Variants in TEX10 observed in about 807,000 individuals in gnomAD.
TEX10 encodes testis-expressed protein 10.
TEX10 carries 24 observed loss-of-function variants against 104.4 expected under a neutral mutation model. The ratio of observed to expected loss-of-function variants is 0.23; its 90% CI spans 0.17 to 0.32. The LOEUF is 0.32. Ranked by LOEUF, TEX10 falls within the 10% of genes least tolerant of loss-of-function variation. The pLI, the probability that TEX10 is intolerant of heterozygous loss-of-function variation, is 1.00. For synonymous variants in TEX10, 396 were observed against 393.4 expected (o/e 1.01, Z -0.08); for missense variants, 921 against 1,083.9 (o/e 0.85, Z 2.11).
rs1052764118 is a variant in TEX10, at chr9:100,352,906, A to T, written c.-144T>A. On this transcript the variant is annotated 5_prime_UTR_variant, in exon 1 of 15. Transcript: ENST00000374902. ...CGTGTTTTCAAATAGCCTCGTCCTC[A>T]CGCGGCCGCGTCTCCTTCCGCCGCC... 1.3e-5 allele frequency: 13 copies of T among 990,606 alleles called. No homozygotes were observed. The highest frequency in any genetic ancestry group is 1.4e-5 in the Non-Finnish European group (12 of 833,902). The allele number at this position is 990,606 out of a possible 1,614,324, so 61.4% of individuals were successfully genotyped here.
intron 4 of TEX10, among the ~76,000 whole-genome samples, chr9:100,343,629 T>C (rs1587741890): frequency 6.7e-6 from 1 of 149,222 alleles, no homozygotes; most frequent in South Asian, 2.1e-4. Flanking sequence ...TGAATACAAG[T>C]GAAATTTCTT....
At chr9:100,306,995 T>A (rs1412154324) in intron 13 of TEX10, 1 of 152,200 alleles carries the variant, frequency 6.6e-6, no homozygotes, top group Non-Finnish European at 1.5e-5. Context: ...TCTAGAACCC[T>A]GAGAAGTTCC....
At chr9:100,352,198 C>T (rs772871800) in intron 1 of TEX10, among the ~76,000 whole-genome samples, 7 of 152,200 alleles carry the variant, frequency 4.6e-5, no homozygotes, top group Non-Finnish European at 8.8e-5. Flanking sequence ...CCTCCCCAAA[C>T]CCTTAAACTC....
At chr9:100,348,996 G>A (rs888057359) in intron 2 of TEX10, among the ~76,000 whole-genome samples, 188 bp downstream of exon 2, 3 of 152,164 alleles carry the variant, frequency 2.0e-5, no homozygotes, top group African/African-American at 7.2e-5. Context: ...GAACGTTTCT[G>A]GAGGAAGTGG....
intron 6 of TEX10, 123 bp from the exon 7 acceptor site, chr9:100,329,398 T>C (rs1209036885): frequency 3.7e-6 from 4 of 1,090,514 alleles, no homozygotes; most frequent in South Asian, 3.0e-5. Context: ...TAGCCACAAA[T>C]AGACAACTAC....
intron 1 of TEX10, 191 bp downstream of exon 1, chr9:100,352,581 G>T (rs1835484229): frequency 2.0e-6 from 3 of 1,518,880 alleles, no homozygotes; most frequent in South Asian, 2.5e-5. Flanking sequence ...ACGCCCTAGG[G>T]GGTCCCGCCC....
chr9:100,326,284 C>T lies in TEX10; in HGVS notation c.1979+18G>A, dbSNP rs1834702674. ...AAAAGATTATACACTTAAAATACAG[C>T]TCACTTGAGCATGCTACCTCATGTG... On this transcript the variant is annotated intron_variant, in intron 9 of 14. Transcript: ENST00000374902. The T allele has an allele frequency of 1.2e-6, 2 of 1,609,036 alleles. No homozygotes were observed. Among genetic ancestry groups the T allele is most frequent in the Non-Finnish European group, 1.7e-6 (2 of 1,177,916 alleles).
At chr9:100,308,471 A>G (rs779991620) in intron 13 of TEX10, 29 bp downstream of exon 13, 1 of 1,554,734 alleles carries the variant, frequency 6.4e-7, no homozygotes, top group Non-Finnish European at 8.7e-7. Context: ...CAGTAGGAAA[A>G]TTAAGGTTGA....
chr9:100,324,615 CAA>C (rs1176442050), intron 9 of TEX10, among the ~76,000 whole-genome samples: 2 of 152,008 alleles, frequency 1.3e-5, no homozygotes, highest in East Asian at 3.8e-4. Flanking sequence ...CTCATCGCCA[CAA>C]AAAGATAAAA....
rs531167071 is a variant in TEX10, at chr9:100,346,329, G to A, written c.894-14C>T. The A allele has an allele frequency of 6.3e-6, 10 of 1,582,282 alleles. No individual in the cohort carries two copies. The East Asian group carries it at 1.8e-4, about 28-fold the overall frequency. ...CCAACCAGATACCTAATAAGGGTAA[G>A]AAAGAAAAAAATTAAGTGATTAAAA... On this transcript the variant is annotated splice_polypyrimidine_tract_variant and intron_variant, in intron 3 of 14. Coordinates refer to ENST00000374902, the MANE Select transcript of TEX10 (RefSeq NM_017746.4).
intron 4 of TEX10, among the ~76,000 whole-genome samples, chr9:100,343,411 A>C (rs528751292): frequency 1.6e-3 from 248 of 151,880 alleles, no homozygotes; most frequent in Non-Finnish European, 2.4e-3. Flanking sequence ...CTTTTCAACA[A>C]ATAGTGCTGG....
intron 1 of TEX10, among the ~76,000 whole-genome samples, chr9:100,351,688 G>A (rs1310573831): frequency 6.6e-6 from 1 of 152,144 alleles, no homozygotes; most frequent in Non-Finnish European, 1.5e-5. Flanking sequence ...CTATCGCTTT[G>A]TATTAGTCAC....
intron 5 of TEX10, among the ~76,000 whole-genome samples, chr9:100,338,618 C>T (rs766044968): frequency 6.6e-6 from 1 of 152,142 alleles, no homozygotes; most frequent in African/African-American, 2.4e-5. Flanking sequence ...CGGCCAGGCA[C>T]GGTAGCTCAC....
intron 11 of TEX10, among the ~76,000 whole-genome samples, chr9:100,313,884 A>G (rs1238620980): frequency 6.6e-6 from 1 of 151,010 alleles, no homozygotes; most frequent in East Asian, 1.9e-4. Flanking sequence ...ATAGGAACGT[A>G]GCCTTCTTTT....
At chr9:100,323,266 T>C (rs764059559) in intron 9 of TEX10, among the ~76,000 whole-genome samples, 1 of 152,198 alleles carries the variant, frequency 6.6e-6, no homozygotes. Flanking sequence ...TTTCCAAGCC[T>C]GAACACTTCT....
chr9:100,335,187 T>C (rs1211090433), intron 5 of TEX10, among the ~76,000 whole-genome samples: 2 of 152,180 alleles, frequency 1.3e-5, no homozygotes, highest in African/African-American at 2.4e-5. Context: ...ATTAAAAATA[T>C]GCGTTCTCAA....
At chr9:100,341,733 A>C (rs933312987) in intron 4 of TEX10, among the ~76,000 whole-genome samples, 1 of 152,130 alleles carries the variant, frequency 6.6e-6, no homozygotes, top group Non-Finnish European at 1.5e-5. Flanking sequence ...TTAAAACATA[A>C]ATCGTGTTTC....
Position 100,330,166 on chromosome 9 carries a change from G to C in TEX10, c.1254C>G (p.Ile418Met). Residue 418 changes from isoleucine to methionine, a missense_variant, in exon 6 of 15, where the codon ATC becomes ATG. Around this residue, in one of 3 missense-constraint regions of TEX10, gnomAD observed 753 missense variants for 868.4 expected, o/e 0.87. Coordinates refer to ENST00000374902, the MANE Select transcript of TEX10 (RefSeq NM_017746.4). ...TATTGGAGAGAACTGTGCAATGCTTGATGCTAGAAACAAAGACACACACAT... is the reference window on the plus strand; with the variant it reads ...TATTGGAGAGAACTGTGCAATGCTTCATGCTAGAAACAAAGACACACACAT... ...KHKRKEPNKS[I>M]KHCTVLSNNI... is the part of the protein sequence containing the mutation. 1 of 1,592,136 alleles carries C rather than the reference G, an allele frequency of 6.3e-7. No homozygotes were observed. Among genetic ancestry groups the C allele is most frequent in the Non-Finnish European group, 8.6e-7 (1 of 1,163,774 alleles).
At chr9:100,352,704 G>GCGACGGCCCCACCACGCTCAGTC in intron 1 of TEX10, 68 bp downstream of exon 1, 2 of 1,305,594 alleles carry the variant, frequency 1.5e-6, no homozygotes, top group Non-Finnish European at 1.9e-6. Context: ...GGATCGGGGG[G>GCGACGGCCCCACCACGCTCAGTC]CGACGGCCCC....
Sources: gnomAD v4.1 joint callset for allele counts (sites outside exome capture counted in the v4.1 genomes callset) on GRCh38, gnomAD v4.1.1 for gene constraint, gnomAD v4.1.1 regional missense constraint, MANE v1.5 for transcripts, NCBI Gene and HGNC (gene_info 2026-07-23, HGNC 2026-07-21) for gene names.